Variants in ALPK3 observed in about 807,000 individuals in gnomAD.
The protein encoded by ALPK3 is alpha-protein kinase 3.
In ALPK3, 102 loss-of-function variants were observed where a neutral mutation model predicts 140.0. That is an observed-to-expected ratio of 0.73 (90% CI 0.62 to 0.86). ALPK3 has a LOEUF of 0.86. Ranked by LOEUF, ALPK3 falls within the 40% of genes least tolerant of loss-of-function variation. ALPK3 has a pLI of 0.00. For missense variants in ALPK3, 2,254 were observed against 2,208.2 expected (o/e 1.02, Z -0.42); for synonymous variants, 938 against 898.5 (o/e 1.04, Z -0.79).
In ALPK3 at chr15:84,862,678, T is replaced by A. The variant is rs946844546; in HGVS notation, c.4173T>A (p.Gly1391=). 2.5e-6 allele frequency: 4 copies of A among 1,613,988 alleles called. No homozygotes were observed. The Middle Eastern group carries it at 4.9e-4, about 199-fold the overall frequency. Residue 1391 remains glycine, a synonymous_variant, in exon 10 of 14, where the codon GGT becomes GGA. Transcript: ENST00000258888. ...IEMTPMVFAK[G]LADSGCWGDK... ...TGACCCCTATGGTGTTTGCTAAGGGTCTGGCTGACTCTGGCTGCTGGGGGG... is the reference window on the plus strand; with the variant it reads ...TGACCCCTATGGTGTTTGCTAAGGGACTGGCTGACTCTGGCTGCTGGGGGG...
rs1185474202 is a variant in ALPK3 at position 84,871,123 on chromosome 15, C to T, written c.*2667C>T. 1 of 152,644 alleles carries T rather than the reference C, an allele frequency of 6.6e-6. No homozygotes were observed. The highest frequency in any genetic ancestry group is 2.1e-4 in the South Asian group (1 of 4,834). The allele number at this position is 152,644 out of a possible 1,614,324, so 9.5% of individuals were successfully genotyped here. On this transcript the variant is annotated 3_prime_UTR_variant, in exon 14 of 14. Coordinates refer to ENST00000258888, the MANE Select transcript of ALPK3 (RefSeq NM_020778.5). ...ACCATATTCAACCAAAATTGTATAA[C>T]CCAGCAAGAATGGAAGAATGGGTAA...
At chr15:84,825,629 C>T (rs1439877425) in intron 2 of ALPK3, among the ~76,000 whole-genome samples, 2 of 152,158 alleles carry the variant, frequency 1.3e-5, no homozygotes, top group African/African-American at 4.8e-5. Flanking sequence ...TGGATCCAGG[C>T]TCAAGGTCAT....
chr15:84,861,798 TACC>T (rs1315807520), intron 9 of ALPK3, among the ~76,000 whole-genome samples: 2 of 152,174 alleles, frequency 1.3e-5, no homozygotes, highest in African/African-American at 4.8e-5. Context: ...TGCCCTACCC[TACC>T]GTTTTCCATA....
In ALPK3 at chr15:84,838,995, A is replaced by C. The variant is rs1963625385; in HGVS notation, c.320A>C (p.Glu107Ala). 6.2e-7 allele frequency: 1 copy of C among 1,614,064 alleles called. No individual in the cohort carries two copies. Among genetic ancestry groups the C allele is most frequent in the Non-Finnish European group, 8.5e-7 (1 of 1,179,972 alleles). The change falls in exon 4 of 14, where the codon GAG becomes GCG. Residue 107 changes from glutamate (E) to alanine (A), a missense_variant. Glu to Ala is a moderately radical substitution (Grantham distance 107). Transcript: ENST00000258888. ...TCTTTCTCAGGATACCCAGAGCCAG[A>C]GGTGACCTGGTACAAGGATGATACG... ...TCIVTGYPEPEVTWYKDDTEL... is the reference protein window; with the variant it reads ...TCIVTGYPEPAVTWYKDDTEL...
Position 84,827,530 on chromosome 15 carries a change from C to A in ALPK3, c.229C>A (p.Pro77Thr), listed in dbSNP as rs773065366. The A allele has an allele frequency of 6.2e-7, 1 of 1,614,208 alleles. No homozygotes were observed. Among genetic ancestry groups the A allele is most frequent in the South Asian group, 1.1e-5 (1 of 91,082 alleles). Residue 77 changes from proline (P) to threonine (T), a missense_variant, in exon 3 of 14, where the codon CCG (proline) becomes ACG (threonine). Physicochemically the swap from Pro to Thr is conservative, Grantham distance 38. Around this residue, in one of 3 missense-constraint regions of ALPK3, gnomAD observed 2,088 missense variants for 2,022.9 expected, o/e 1.03. Coordinates refer to ENST00000258888, the MANE Select transcript of ALPK3 (RefSeq NM_020778.5). Reference protein sequence around the residue: ...IIAQLTEETQPLFETTLKSRS... With the variant: ...IIAQLTEETQTLFETTLKSRS... ...TGCTCAGCTCACAGAGGAGACCCAGCCGCTATTTGAGACCACGCTCAAGTC... is the reference window on the plus strand; with the variant it reads ...TGCTCAGCTCACAGAGGAGACCCAGACGCTATTTGAGACCACGCTCAAGTC...
Position 84,817,590 on chromosome 15 carries a change from G to A in ALPK3, c.138G>A (p.Glu46=). 6.7e-7 allele frequency: 1 copy of A among 1,498,774 alleles called. No individual in the cohort carries two copies. The highest frequency in any genetic ancestry group is 1.9e-4 in the Middle Eastern group (1 of 5,378). 92.8% of individuals were successfully genotyped at this position (1,498,774 alleles called of 1,614,324 possible). ...SRSYLLSVRP[E]TSLSSNRLSH... Reference sequence around the variant, plus strand: ...GCTACCTGCTCAGCGTGCGGCCCGAGACCAGGTAAGTGGCACCAAGGGGCA... The same window carrying A: ...GCTACCTGCTCAGCGTGCGGCCCGAAACCAGGTAAGTGGCACCAAGGGGCA... The change falls in exon 1 of 14, where the codon GAG becomes GAA. Residue 46 remains glutamate, a synonymous_variant. Transcript: ENST00000258888.
Position 84,840,351 on chromosome 15 carries a change from C to T in ALPK3, c.1072C>T (p.Gln358Ter), listed in dbSNP as rs768342367. The T allele has an allele frequency of 2.5e-6, 4 of 1,613,614 alleles. No homozygotes were observed. In the Admixed American group the frequency reaches 6.7e-5, roughly 27 times the overall value. The change falls in exon 5 of 14, where the codon CAG (glutamine) becomes TAG (stop). Residue 358 changes from glutamine to a stop codon, truncating the protein, a stop_gained. Transcript: ENST00000258888. LOFTEE classifies it high-confidence loss of function. ...SSDEPDSCGT[Q>*]GPVGVEQVQT... Reference sequence around the variant, plus strand: ...AGACGAGCCTGACTCCTGTGGGACTCAGGGGCCCGTGGGCGTGGAGCAGGT... The same window carrying T: ...AGACGAGCCTGACTCCTGTGGGACTTAGGGGCCCGTGGGCGTGGAGCAGGT...
chr15:84,821,508 A>C (rs1963422726), intron 1 of ALPK3, among the ~76,000 whole-genome samples: 1 of 152,248 alleles, frequency 6.6e-6, no homozygotes, highest in East Asian at 1.9e-4. Flanking sequence ...GGAGTTGGCC[A>C]GTGCCTTGGA....
At position 84,858,518 on chromosome 15, in the gene ALPK3, A is replaced by T. The variant is rs764100275; in HGVS notation, c.3780A>T (p.Thr1260=). 1 of 1,587,698 alleles carries T rather than the reference A, an allele frequency of 6.3e-7. No homozygotes were observed. Among genetic ancestry groups the T allele is most frequent in the Non-Finnish European group, 8.5e-7 (1 of 1,174,300 alleles). The change falls in exon 6 of 14, where the codon ACA becomes ACT. Residue 1260 remains threonine, a synonymous_variant. Transcript: ENST00000258888. ...EVALDEGKQE[T]LAKPRKAKDL... The stretch of plus-strand genomic sequence containing the variant: ...CCCTGGATGAAGGCAAGCAGGAGAC[A>T]CTGGCCAAGCCCAGGAAAGCCAAAG...
chr15:84,844,980 T>C (rs947674867), intron 5 of ALPK3, among the ~76,000 whole-genome samples: 1 of 152,192 alleles, frequency 6.6e-6, no homozygotes, highest in African/African-American at 2.4e-5. Context: ...ATGGAGTAAA[T>C]ACACTTGATT....
intron 3 of ALPK3, among the ~76,000 whole-genome samples, chr15:84,837,177 C>A (rs72753056): frequency 3.3e-5 from 5 of 152,166 alleles, no homozygotes; most frequent in Non-Finnish European, 7.4e-5. Context: ...AAGCAGAGAG[C>A]AGAGAAATGA....
intron 5 of ALPK3, among the ~76,000 whole-genome samples, chr15:84,846,075 AAAC>A (rs1372772727): frequency 6.6e-6 from 1 of 152,142 alleles, no homozygotes; most frequent in Non-Finnish European, 1.5e-5. Context: ...CTCAAAAATA[AAAC>A]AACAACAATA....
At chr15:84,822,415 G>A (rs1371152083) in intron 1 of ALPK3, among the ~76,000 whole-genome samples, 9 of 152,126 alleles carry the variant, frequency 5.9e-5, no homozygotes, top group Non-Finnish European at 1.3e-4. Flanking sequence ...GCTTTCTTAT[G>A]GTTAGAGACA....
In ALPK3 at chr15:84,872,533, A is replaced by G. The variant is rs553216588; in HGVS notation, c.*4077A>G. On this transcript the variant is annotated 3_prime_UTR_variant, in exon 14 of 14. Transcript: ENST00000258888. ...AATGGGTTAGAACAAGATGCCCCAA[A>G]GTGGCATAAATTGCATGGAATTAGG... 6.6e-6 allele frequency: 1 copy of G among 152,380 alleles called. No homozygotes were observed. The highest frequency in any genetic ancestry group is 1.5e-5 in the Non-Finnish European group (1 of 68,040). 9.4% of individuals were successfully genotyped at this position (152,380 alleles called of 1,614,324 possible).
At position 84,839,079 on chromosome 15, in the gene ALPK3, A is replaced by G. The variant is rs1322297123; in HGVS notation, c.404A>G (p.His135Arg). 9 of 1,609,530 alleles carry G rather than the reference A, an allele frequency of 5.6e-6. No homozygotes were observed. Among genetic ancestry groups the G allele is most frequent in the Non-Finnish European group, 7.6e-6 (9 of 1,177,758 alleles). The change falls in exon 4 of 14, where the codon CAC (histidine) becomes CGC (arginine). Residue 135 changes from histidine to arginine, a missense_variant. By Grantham distance (29) the His-to-Arg change is conservative. Coordinates refer to ENST00000258888, the MANE Select transcript of ALPK3 (RefSeq NM_020778.5). ...GAGATCACTCATCAGGGCAACCGCCACACACTGCAGCTGTACAGGTGAGGG... is the reference window on the plus strand; with the variant it reads ...GAGATCACTCATCAGGGCAACCGCCGCACACTGCAGCTGTACAGGTGAGGG... Reference protein sequence around the residue: ...KYEITHQGNRHTLQLYRCREE... With the variant: ...KYEITHQGNRRTLQLYRCREE...
chr15:84,855,756 A>G (rs1295137994), intron 5 of ALPK3, among the ~76,000 whole-genome samples: 1 of 152,216 alleles, frequency 6.6e-6, no homozygotes, highest in East Asian at 1.9e-4. Flanking sequence ...AAGTGGGGTA[A>G]TATCATATAC....
At chr15:84,840,973 G>T in intron 5 of ALPK3, 41 bp downstream of exon 5, 1 of 1,515,562 alleles carries the variant, frequency 6.6e-7, no homozygotes. Flanking sequence ...GCTCTGGGAA[G>T]CTGACCTCAT....
intron 3 of ALPK3, among the ~76,000 whole-genome samples, chr15:84,833,838 C>T (rs1420138280): frequency 6.6e-6 from 1 of 152,186 alleles, no homozygotes; most frequent in Non-Finnish European, 1.5e-5. Context: ...TCCGCTAGCT[C>T]CTGTCTCCCC....
Position 84,839,616 on chromosome 15 carries a change from CCGGCTCTGAA to C in ALPK3, c.423-77_423-68del, listed in dbSNP as rs908104612. 26 of 1,450,900 alleles carry C rather than the reference CCGGCTCTGAA, an allele frequency of 1.8e-5. No individual in the cohort carries two copies. The African/African-American group carries it at 3.5e-4, about 20-fold the overall frequency. 89.9% of individuals were successfully genotyped at this position (1,450,900 alleles called of 1,614,324 possible). A position where few individuals can be genotyped will look rare whatever the true frequency, so the allele number is the denominator to read the frequency against. On this transcript the variant is annotated intron_variant, in intron 4 of 13. Coordinates refer to ENST00000258888, the MANE Select transcript of ALPK3 (RefSeq NM_020778.5). Reference sequence around the variant, plus strand: ...TTGCTGTAGGGAGGGGGAAGTGTGCCCGGCTCTGAACGGCTCTGGCTGGGGGGTGTGGGGG... The same window carrying C: ...TTGCTGTAGGGAGGGGGAAGTGTGCCCGGCTCTGGCTGGGGGGTGTGGGGG...
Sources: gnomAD v4.1 joint callset for allele counts (sites outside exome capture counted in the v4.1 genomes callset) on GRCh38, gnomAD v4.1.1 for gene constraint, gnomAD v4.1.1 regional missense constraint, MANE v1.5 for transcripts, NCBI Gene and HGNC (gene_info 2026-07-23, HGNC 2026-07-21) for gene names.